Variants in SLC4A4 observed in about 807,000 individuals in gnomAD.
SLC4A4 encodes the protein electrogenic sodium bicarbonate cotransporter 1.
A neutral mutation model predicts 111.5 loss-of-function variants in SLC4A4; 27 were observed. The ratio of observed to expected loss-of-function variants is 0.24; its 90% CI spans 0.18 to 0.33. The LOEUF (loss-of-function observed/expected upper bound fraction) is 0.33. Among genes scored for constraint, SLC4A4 ranks in the 10% least tolerant of loss-of-function variants. The probability of loss-of-function intolerance (pLI) is 1.00; values close to 1 mark genes in which losing one functional copy is unlikely to be tolerated. For missense variants in SLC4A4, 909 were observed against 1,315.5 expected (o/e 0.69, Z 4.78); for synonymous variants, 443 against 463.4 (o/e 0.96, Z 0.57).
chr4:71,270,820 G>A (rs1722652204), intron 3 of SLC4A4, among the ~76,000 whole-genome samples: 1 of 152,192 alleles, frequency 6.6e-6, no homozygotes, highest in South Asian at 2.1e-4. Flanking sequence ...AGTGAGGGGT[G>A]GAGCTCATAG....
intron 2 of SLC4A4, among the ~76,000 whole-genome samples, chr4:71,244,159 C>A (rs1265870174): frequency 6.6e-6 from 1 of 152,086 alleles, no homozygotes; most frequent in African/African-American, 2.4e-5. Flanking sequence ...CTAATGGATA[C>A]GTGTGTTTGA....
chr4:71,413,492 A>G (rs181276597), intron 7 of SLC4A4, among the ~76,000 whole-genome samples: 120 of 152,346 alleles, frequency 7.9e-4, no homozygotes, highest in Non-Finnish European at 1.2e-4. Context: ...CTTAAGAGCT[A>G]TGTCTACTTG....
chr4:71,525,162 G>C (rs1039098021), intron 16 of SLC4A4, among the ~76,000 whole-genome samples: 2 of 151,960 alleles, frequency 1.3e-5, no homozygotes, highest in Non-Finnish European at 2.9e-5. Context: ...AAGTTGTTTT[G>C]CCAAAGAAGG....
rs1578021706 is a variant in SLC4A4 at position 71,487,166 on chromosome 4, A to G, written c.1974+148A>G. ...AATTATTGACAGTGGAGGGACGGGA[A>G]AAAAAAAAGCCACTTTCCTTTGCTC... is the stretch of plus-strand genomic sequence containing the variant. On this transcript the variant is annotated intron_variant, in intron 15 of 25. Coordinates refer to ENST00000264485, the MANE Select transcript of SLC4A4 (RefSeq NM_001098484.3). The G allele has an allele frequency of 5.9e-6, 3 of 508,358 alleles. No homozygotes were observed. The South Asian group carries it at 9.3e-5, about 16-fold the overall frequency. 31.5% of individuals were successfully genotyped at this position (508,358 alleles called of 1,614,324 possible).
chr4:71,107,225 T>A (rs1742956521), intron 2 of SLC4A4, among the ~76,000 whole-genome samples: 1 of 152,218 alleles, frequency 6.6e-6, no homozygotes. Context: ...CCATTTATAT[T>A]TTAAGGAATT....
chr4:71,557,422 T>C (rs1207281464), intron 21 of SLC4A4, among the ~76,000 whole-genome samples: 1 of 151,846 alleles, frequency 6.6e-6, no homozygotes, highest in Non-Finnish European at 1.5e-5. Context: ...AGAGTAAAAA[T>C]AGAAATTAGG....
rs575546402 is a variant in SLC4A4, at chr4:71,170,260, A to G, written c.-1-66316A>G. The stretch of plus-strand genomic sequence containing the variant: ...ATCAACTAGAAGTTAAGCTTCCTGA[A>G]GACAGTGGCCTTGTCTATCTTGCTC... On this transcript the variant is annotated intron_variant, in intron 2 of 26. Transcript: ENST00000649996. Among the ~76,000 whole-genome samples, 52 of 152,350 alleles carry G rather than the reference A, an allele frequency of 3.4e-4. No individual in the cohort carries two copies. The South Asian group carries it at 0.011, about 32-fold the overall frequency.
At chr4:71,532,530 G>A (rs1560593692) in intron 17 of SLC4A4, among the ~76,000 whole-genome samples, 1 of 151,926 alleles carries the variant, frequency 6.6e-6, no homozygotes, top group Non-Finnish European at 1.5e-5. Context: ...TTTTGAGACA[G>A]GGCCTTGCTC....
Position 71,541,061 on chromosome 4 carries a change from G to A in SLC4A4, c.2443-5289G>A, listed in dbSNP as rs573801964. Among the ~76,000 whole-genome samples, 22 of 152,222 alleles carry A rather than the reference G, an allele frequency of 1.4e-4. 1 individual carries two copies. Among genetic ancestry groups the A allele is most frequent in the African/African-American group, 4.1e-4 (17 of 41,546 alleles). On this transcript the variant is annotated intron_variant, in intron 18 of 25. Transcript: ENST00000264485. Reference sequence around the variant, plus strand: ...GCATTTCTAGTCTCTGGCCAGTAGAGGCATTTACACCCTCCAGCTGTGACA... The same window carrying A: ...GCATTTCTAGTCTCTGGCCAGTAGAAGCATTTACACCCTCCAGCTGTGACA...
chr4:71,501,884 C>T lies in SLC4A4; in HGVS notation c.2166+4192C>T, dbSNP rs972007606. ...TTTCACCATAATAGCCAGATGGTCT[C>T]GATCTCCTGACCTTGTGATCCCCCT... is the stretch of plus-strand genomic sequence containing the variant. On this transcript the variant is annotated intron_variant, in intron 16 of 25. Transcript: ENST00000264485. Among the ~76,000 whole-genome samples the T allele has an allele frequency of 2.6e-5, 4 of 152,032 alleles. No homozygotes were observed. The East Asian group carries it at 7.7e-4, about 29-fold the overall frequency.
At chr4:71,289,220 A>G (rs781068785) in intron 3 of SLC4A4, among the ~76,000 whole-genome samples, 5 of 152,230 alleles carry the variant, frequency 3.3e-5, no homozygotes, top group Non-Finnish European at 5.9e-5. Context: ...AAGCTCACTT[A>G]AAGAGGGAAA....
In SLC4A4 at chr4:71,452,058, A is replaced by G. The variant is rs544184643; in HGVS notation, c.1322+757A>G. 4.6e-5 allele frequency among the ~76,000 whole-genome samples: 7 copies of G among 151,164 alleles called. No homozygotes were observed. In the South Asian group the frequency reaches 1.5e-3, roughly 32 times the overall value. On this transcript the variant is annotated intron_variant, in intron 11 of 25. Transcript: ENST00000264485. ...TGTTAAGTAAAATTTTAAGTGGGAT[A>G]CTTATTTTATGAAGATATGGCTTTT...
At chr4:71,432,295 C>G (rs1044928452) in intron 7 of SLC4A4, among the ~76,000 whole-genome samples, 1 of 152,096 alleles carries the variant, frequency 6.6e-6, no homozygotes, top group African/African-American at 2.4e-5. Flanking sequence ...GCTTTGTGTT[C>G]TGTGTTAATA....
Position 71,193,271 on chromosome 4 carries a change from T to C in SLC4A4, c.-2+5870T>C, listed in dbSNP as rs564554434. 7.2e-5 allele frequency among the ~76,000 whole-genome samples: 11 copies of C among 152,312 alleles called. No individual in the cohort carries two copies. The East Asian group carries it at 2.1e-3, about 29-fold the overall frequency. ...GCCTCCCAGGTTCACGCCATTCTCC[T>C]GCCTCAGCCTCCCGAGTAGCTGGGA... On this transcript the variant is annotated intron_variant, in intron 1 of 25. Transcript: ENST00000264485.
rs184177076 is a variant in SLC4A4 at position 71,105,461 on chromosome 4, C to A, written c.-2+12669C>A. ...GGAACCAAAAAAGAGCCCGCATCGC[C>A]AAGGCACTCCTAAGCCAAAAGAACG... On this transcript the variant is annotated intron_variant, in intron 2 of 26. Transcript: ENST00000649996. 4.4e-3 allele frequency among the ~76,000 whole-genome samples: 672 copies of A among 151,800 alleles called. 6 individuals are homozygous for A. Among genetic ancestry groups the A allele is most frequent in the African/African-American group, 0.015 (619 of 41,172 alleles).
At chr4:71,373,911 C>A (rs1732107499) in intron 6 of SLC4A4, among the ~76,000 whole-genome samples, 1 of 152,084 alleles carries the variant, frequency 6.6e-6, no homozygotes, top group Non-Finnish European at 1.5e-5. Flanking sequence ...GAGGTAGCAA[C>A]CAGGAAGATC....
rs533350714 is a variant in SLC4A4, at chr4:71,245,166, G to C, written c.73+8517G>C. Among the ~76,000 whole-genome samples, 10 of 152,288 alleles carry C rather than the reference G, an allele frequency of 6.6e-5. No homozygotes were observed. The South Asian group carries it at 2.1e-3, about 32-fold the overall frequency. Reference sequence around the variant, plus strand: ...GAGAAACAGAAATAAGGCTACAGTAGCTGGACCATGTGAACAGGGGGAGAG... The same window carrying C: ...GAGAAACAGAAATAAGGCTACAGTACCTGGACCATGTGAACAGGGGGAGAG... On this transcript the variant is annotated intron_variant, in intron 2 of 25. Transcript: ENST00000264485.
intron 14 of SLC4A4, among the ~76,000 whole-genome samples, chr4:71,485,660 A>C (rs1729310656): frequency 6.6e-6 from 1 of 151,588 alleles, no homozygotes; most frequent in Non-Finnish European, 1.5e-5. Context: ...TTACAATCTA[A>C]AGTCTTGAAA....
intron 12 of SLC4A4, among the ~76,000 whole-genome samples, chr4:71,455,347 C>T (rs1311636207): frequency 6.6e-6 from 1 of 152,098 alleles, no homozygotes; most frequent in African/African-American, 2.4e-5. Flanking sequence ...TCTCCTTTTC[C>T]CTCATTTGTA....
Sources: allele counts gnomAD v4.1 joint callset (sites outside exome capture counted in the v4.1 genomes callset), GRCh38; gene constraint gnomAD v4.1.1; transcripts MANE v1.5; gene names NCBI Gene and HGNC (gene_info 2026-07-23, HGNC 2026-07-21).